The following SIM1 variants were observed in gnomAD, a reference collection of about 807,000 sequenced individuals.
The protein encoded by SIM1 is SIM bHLH transcription factor 1.
SIM1 carries 18 observed loss-of-function variants against 78.2 expected under a neutral mutation model. The ratio of observed to expected loss-of-function variants is 0.23; its 90% CI spans 0.16 to 0.34. The LOEUF is 0.34. Among genes scored for constraint, SIM1 ranks in the 10% least tolerant of loss-of-function variants. SIM1 has a pLI of 1.00. For missense variants in SIM1, 939 were observed against 975.1 expected (o/e 0.96, Z 0.49); for synonymous variants, 417 against 385.2 (o/e 1.08, Z -0.97).
rs1157209711 is a variant in SIM1, at chr6:100,393,784, T to A, written c.1273A>T (p.Arg425Trp). 2 of 1,613,960 alleles carry A rather than the reference T, an allele frequency of 1.2e-6. No individual in the cohort carries two copies. Among genetic ancestry groups the A allele is most frequent in the Admixed American group, 3.3e-5 (2 of 60,002 alleles). Residue 425 changes from arginine to tryptophan, a missense_variant, in exon 11 of 12, where the codon AGG becomes TGG. By Grantham distance (101) the Arg-to-Trp change is moderately radical (BLOSUM62 -3). This residue lies in a region of SIM1 where 556 missense variants were observed against 521.9 expected (regional missense o/e 1.07). Coordinates refer to ENST00000369208, the MANE Select transcript of SIM1 (RefSeq NM_005068.3). Reference protein sequence around the residue: ...ASPQLLDPADRPGSQHDASCA... With the variant: ...ASPQLLDPADWPGSQHDASCA... The stretch of plus-strand genomic sequence containing the variant: ...GATGCGTCGTGCTGGGAGCCAGGCC[T>A]ATCGGCGGGGTCCAGAAGCTGCGGA...
chr6:100,458,048 C>A (rs1359450542), intron 2 of SIM1, among the ~76,000 whole-genome samples: 1 of 134,066 alleles, frequency 7.5e-6, no homozygotes, highest in Non-Finnish European at 1.6e-5. Context: ...CTCTCTCTCT[C>A]TCTCTCTCTC....
chr6:100,407,784 A>G (rs1771087124), intron 10 of SIM1, among the ~76,000 whole-genome samples: 1 of 151,866 alleles, frequency 6.6e-6, no homozygotes, highest in South Asian at 2.1e-4. Flanking sequence ...GCTCATTTTT[A>G]ATCAAATATT....
intron 9 of SIM1, among the ~76,000 whole-genome samples, chr6:100,428,896 C>T (rs1034815761): frequency 7.8e-4 from 119 of 152,122 alleles, no homozygotes; most frequent in African/African-American, 2.3e-3. Flanking sequence ...TGCATGTAAA[C>T]ATGCTCTTTT....
chr6:100,391,107 A>G lies in SIM1; in HGVS notation c.1571-16T>C, dbSNP rs1269897105. 6.4e-7 allele frequency: 1 copy of G among 1,556,542 alleles called. No individual in the cohort carries two copies. Among genetic ancestry groups the G allele is most frequent in the Non-Finnish European group, 8.6e-7 (1 of 1,156,326 alleles). ...TGACCTCGCCCTAAAAATTAGAAAA[A>G]GTCAAAAGTAAGTGATCTCAGAATT... On this transcript the variant is annotated splice_polypyrimidine_tract_variant and intron_variant, in intron 11 of 11. Transcript: ENST00000369208.
chr6:100,385,667 T>TTG lies in SIM1; in HGVS notation c.*4693_*4694insCA, dbSNP rs1303939098. ...CTTATGTGAACCATCATTTATTTAT[T>TTG]TATGTGTGTGTGTGTGTGTGTGTGT... On this transcript the variant is annotated 3_prime_UTR_variant, in exon 12 of 12. Coordinates refer to ENST00000369208, the MANE Select transcript of SIM1 (RefSeq NM_005068.3). 7.7e-5 allele frequency: 5 copies of TTG among 64,650 alleles called. No individual in the cohort carries two copies. The highest frequency in any genetic ancestry group is 6.3e-4 in the South Asian group (1 of 1,580). The allele number at this position is 64,650 out of a possible 1,614,324, so 4.0% of individuals were successfully genotyped here. A position where few individuals can be genotyped will look rare whatever the true frequency, so the allele number is the denominator to read the frequency against.
In SIM1 at chr6:100,400,308, G is replaced by A. The variant is rs147073418; in HGVS notation, c.1168-6419C>T. On this transcript the variant is annotated intron_variant, in intron 10 of 11. Transcript: ENST00000369208. ...TCACATACTGATAATAAAGAAGAAA[G>A]CTTCTTGATGTAGATGCCCAATCAT... Among the ~76,000 whole-genome samples the A allele has an allele frequency of 5.5e-4, 84 of 151,880 alleles. No individual in the cohort carries two copies. The East Asian group carries it at 0.016, about 28-fold the overall frequency.
At chr6:100,449,470 A>G in intron 5 of SIM1, 22 bp from the exon 6 acceptor site, 1 of 1,608,384 alleles carries the variant, frequency 6.2e-7, no homozygotes, top group East Asian at 2.2e-5. Context: ...GAACGAAGGG[A>G]AGCTCAGGTC....
At chr6:100,462,233 T>C (rs1018002924) in intron 2 of SIM1, among the ~76,000 whole-genome samples, 6 of 152,202 alleles carry the variant, frequency 3.9e-5, no homozygotes. Context: ...GAAGTTCTCA[T>C]TTGTAAATAA....
At chr6:100,416,230 C>T (rs1175628161) in intron 10 of SIM1, among the ~76,000 whole-genome samples, 2 of 152,196 alleles carry the variant, frequency 1.3e-5, no homozygotes. Flanking sequence ...AGCCACCCTT[C>T]ATGTTTCTCT....
intron 7 of SIM1, 75 bp from the exon 8 acceptor site, chr6:100,448,327 CG>C: frequency 7.3e-7 from 1 of 1,367,488 alleles, no homozygotes; most frequent in South Asian, 1.3e-5. Context: ...CCTCGACAGC[CG>C]TCTGACACCT....
intron 10 of SIM1, among the ~76,000 whole-genome samples, chr6:100,417,557 G>A (rs1466652143): frequency 6.6e-6 from 1 of 152,154 alleles, no homozygotes; most frequent in Non-Finnish European, 1.5e-5. Context: ...ATTTGGACCA[G>A]ATAAGATTTT....
intron 2 of SIM1, 87 bp from the exon 3 acceptor site, chr6:100,453,931 G>C (rs1772581321): frequency 2.1e-6 from 2 of 949,386 alleles, no homozygotes; most frequent in Non-Finnish European, 3.2e-6. Flanking sequence ...TATTACCCGA[G>C]TGCCGGCCCC....
intron 2 of SIM1, among the ~76,000 whole-genome samples, chr6:100,462,168 A>C (rs140430127): frequency 6.6e-6 from 1 of 152,146 alleles, no homozygotes; most frequent in Non-Finnish European, 1.5e-5. Flanking sequence ...ACGGAAAACC[A>C]CAAACCCCAA....
intron 10 of SIM1, among the ~76,000 whole-genome samples, chr6:100,411,620 C>A (rs958009277): frequency 1.4e-4 from 22 of 152,124 alleles, no homozygotes; most frequent in African/African-American, 5.1e-4. Context: ...TTTATTCATT[C>A]ATTCCATTAT....
intron 2 of SIM1, 195 bp downstream of exon 2, chr6:100,463,099 T>C (rs1348252130): frequency 9.5e-6 from 5 of 524,510 alleles, no homozygotes; most frequent in East Asian, 8.7e-5. Flanking sequence ...GATGGGGAGG[T>C]AGAGGGAGCC....
chr6:100,447,581 C>T (rs1313485543), intron 8 of SIM1, among the ~76,000 whole-genome samples, 166 bp from the exon 9 acceptor site: 1 of 152,228 alleles, frequency 6.6e-6, no homozygotes, highest in African/African-American at 2.4e-5. Flanking sequence ...AACTGATTGT[C>T]CCGTGGTATT....
Position 100,393,515 on chromosome 6 carries a change from A to G in SIM1, c.1542T>C (p.Pro514=). 1 of 1,564,670 alleles carries G rather than the reference A, an allele frequency of 6.4e-7. No homozygotes were observed. The highest frequency in any genetic ancestry group is 8.7e-7 in the Non-Finnish European group (1 of 1,151,972). ...GGATCCTGTGGACTGAAGCGATGTG[A>G]GGCATGCTGTTTTCATAGGCTTCTC... The part of the protein sequence containing the change: ...ESREAYENSM[P]HIASVHRIHG... The change falls in exon 11 of 12, where the codon CCT becomes CCC. Residue 514 remains proline, a synonymous_variant. Coordinates refer to ENST00000369208, the MANE Select transcript of SIM1 (RefSeq NM_005068.3).
At chr6:100,435,796 A>C (rs1016135235) in intron 9 of SIM1, among the ~76,000 whole-genome samples, 7 of 152,082 alleles carry the variant, frequency 4.6e-5, no homozygotes, top group African/African-American at 1.7e-4. Context: ...CAAACCCCAA[A>C]ATTTTGAAAA....
In SIM1 at chr6:100,448,648, G is replaced by C; in HGVS notation, c.574C>G (p.Arg192Gly). ...GGGGACATGTCCAGGCTGTACTGGC[G>C]GATCTTCAAGTAGCCGCTGCAGTGG... ...VIHCSGYLKI[R>G]QYSLDMSPFD... Residue 192 changes from arginine to glycine, a missense_variant, in exon 7 of 12, where the codon CGC becomes GGC. Around this residue, in one of 5 missense-constraint regions of SIM1, gnomAD observed 187 missense variants for 191.6 expected, o/e 0.98. Coordinates refer to ENST00000369208, the MANE Select transcript of SIM1 (RefSeq NM_005068.3). The C allele has an allele frequency of 6.2e-7, 1 of 1,612,904 alleles. No individual in the cohort carries two copies. Among genetic ancestry groups the C allele is most frequent in the Non-Finnish European group, 8.5e-7 (1 of 1,179,986 alleles).
Sources: gnomAD v4.1 joint callset for allele counts (sites outside exome capture counted in the v4.1 genomes callset) on GRCh38, gnomAD v4.1.1 for gene constraint, gnomAD v4.1.1 regional missense constraint, MANE v1.5 for transcripts, NCBI Gene and HGNC (gene_info 2026-07-23, HGNC 2026-07-21) for gene names.